Variants in GSE1 observed in about 807,000 individuals in gnomAD.
The protein encoded by GSE1 is genetic suppressor element 1.
Under a neutral mutation model 112.6 loss-of-function variants are expected in GSE1, and 32 were observed. That is an observed-to-expected ratio of 0.28 (90% CI 0.21 to 0.38). The LOEUF (loss-of-function observed/expected upper bound fraction) is 0.38. Among genes scored for constraint, GSE1 ranks in the 10% least tolerant of loss-of-function variants. The pLI is 1.00. For synonymous variants in GSE1, 1,115 were observed against 735.6 expected (o/e 1.52, Z -8.35); for missense variants, 2,348 against 1,699.2 (o/e 1.38, Z -6.71).
At chr16:85,297,391 C>T (rs1477133362) in intron 1 of GSE1, among the ~76,000 whole-genome samples, 4 of 152,244 alleles carry the variant, frequency 2.6e-5, no homozygotes, top group Middle Eastern at 3.2e-3. Context: ...ATCTGTAAAT[C>T]CCTTAGACTT....
chr16:85,402,685 G>C (rs2048143920), intron 2 of GSE1, among the ~76,000 whole-genome samples: 1 of 152,200 alleles, frequency 6.6e-6, no homozygotes. Context: ...ATTTCAGGAG[G>C]CTGAGGCGGG....
chr16:85,492,836 C>G (rs114847572), intron 2 of GSE1, among the ~76,000 whole-genome samples: 2 of 152,146 alleles, frequency 1.3e-5, no homozygotes, highest in African/African-American at 4.8e-5. Flanking sequence ...ACATGTTCAT[C>G]CTAGGAGTAT....
chr16:85,635,135 G>T (rs373569570), intron 2 of GSE1, among the ~76,000 whole-genome samples: 1 of 152,200 alleles, frequency 6.6e-6, no homozygotes, highest in African/African-American at 2.4e-5. Context: ...TGACCAGGGC[G>T]GGCTGGGGGG....
chr16:85,551,402 G>A (rs766597318), upstream of GSE1, among the ~76,000 whole-genome samples: 1 of 152,176 alleles, frequency 6.6e-6, no homozygotes, highest in Non-Finnish European at 1.5e-5. Context: ...AGGCAGGGGT[G>A]CTGCAGCTCC....
At chr16:85,392,421 G>A (rs933191475) in intron 2 of GSE1, among the ~76,000 whole-genome samples, 5 of 152,196 alleles carry the variant, frequency 3.3e-5, no homozygotes, top group Admixed American at 6.5e-5. Context: ...GGGCTGGGGA[G>A]GGGATGGAGA....
intron 2 of GSE1, among the ~76,000 whole-genome samples, chr16:85,471,423 T>C (rs191164145): frequency 6.6e-6 from 1 of 152,350 alleles, no homozygotes; most frequent in East Asian, 1.9e-4. Flanking sequence ...TCTTTCTTTA[T>C]TACTTGTTGA....
chr16:85,481,067 G>A (rs9933354), intron 2 of GSE1, among the ~76,000 whole-genome samples: 90,460 of 152,072 alleles, frequency 0.59, 27,080 homozygotes, highest in Non-Finnish European at 0.6. Context: ...CCTCGGTTTC[G>A]GCGTTTTTCT....
chr16:85,525,280 C>T (rs1033780190), intron 2 of GSE1, among the ~76,000 whole-genome samples: 11 of 152,240 alleles, frequency 7.2e-5, no homozygotes, highest in African/African-American at 1.4e-4. Flanking sequence ...AGGTGACCGC[C>T]GGGGGCACAG....
chr16:85,623,246 G>A (rs1049918801), intron 1 of GSE1, among the ~76,000 whole-genome samples: 62 of 144,060 alleles, frequency 4.3e-4, no homozygotes, highest in African/African-American at 1.4e-3. Flanking sequence ...ACAGGGTCTC[G>A]CTCTGTCACC....
At chr16:85,546,694 G>A (rs1197596082) in intron 2 of GSE1, among the ~76,000 whole-genome samples, 5 of 152,246 alleles carry the variant, frequency 3.3e-5, no homozygotes, top group Non-Finnish European at 7.3e-5. Flanking sequence ...GACGCGGCCA[G>A]TGATTCCTTC....
At chr16:85,643,649 G>A (rs937594059) in intron 2 of GSE1, among the ~76,000 whole-genome samples, 5 of 152,210 alleles carry the variant, frequency 3.3e-5, no homozygotes, top group African/African-American at 1.2e-4. Context: ...GCAGCTCCAG[G>A]TCTCTGTGCA....
intron 1 of GSE1, among the ~76,000 whole-genome samples, chr16:85,239,699 C>G (rs1390010832): frequency 2.0e-5 from 3 of 152,230 alleles, no homozygotes; most frequent in African/African-American, 7.2e-5. Context: ...TAACTCCATA[C>G]CCGACCTTGG....
At chr16:85,339,771 G>A (rs1228783595) in intron 1 of GSE1, among the ~76,000 whole-genome samples, 3 of 152,044 alleles carry the variant, frequency 2.0e-5, no homozygotes, top group Non-Finnish European at 4.4e-5. Flanking sequence ...GCCAGGGGAC[G>A]GCGTCTGCAT....
intron 1 of GSE1, among the ~76,000 whole-genome samples, chr16:85,288,117 G>A (rs901314897): frequency 1.3e-5 from 2 of 152,136 alleles, no homozygotes; most frequent in South Asian, 2.1e-4. Flanking sequence ...GCGTGCACCT[G>A]TAATCCCAGC....
chr16:85,419,407 G>A lies in GSE1; in HGVS notation c.2464+61764G>A, dbSNP rs2048775404. 6.6e-6 allele frequency among the ~76,000 whole-genome samples: 1 copy of A among 151,984 alleles called. No homozygotes were observed. The highest frequency in any genetic ancestry group is 1.5e-5 in the Non-Finnish European group (1 of 67,986). Reference sequence around the variant, plus strand: ...ATGGGAGGACTGCTTGAGCCCAGGAGTTTGAGACCAGCCTGAGCAACATAG... The same window carrying A: ...ATGGGAGGACTGCTTGAGCCCAGGAATTTGAGACCAGCCTGAGCAACATAG... On this transcript the variant is annotated intron_variant, in intron 2 of 2. Coordinates refer to the GSE1 transcript ENST00000637419. The surrounding 1 kb of genome is among the most constrained non-coding windows in gnomAD (Gnocchi z 6.5).
At chr16:85,378,670 C>A (rs2047477135) in intron 2 of GSE1, among the ~76,000 whole-genome samples, 1 of 152,218 alleles carries the variant, frequency 6.6e-6, no homozygotes, top group Non-Finnish European at 1.5e-5. Flanking sequence ...TCTTAGAGAC[C>A]AGGAGACCGA....
intron 1 of GSE1, among the ~76,000 whole-genome samples, chr16:85,281,453 A>C (rs958855629): frequency 1.1e-4 from 16 of 152,136 alleles, no homozygotes; most frequent in Non-Finnish European, 2.1e-4. Flanking sequence ...TAGGTGGCTA[A>C]ACCGAGGCCC....
chr16:85,448,685 G>A (rs1240320295), intron 2 of GSE1, among the ~76,000 whole-genome samples: 2 of 152,216 alleles, frequency 1.3e-5, no homozygotes, highest in Admixed American at 6.5e-5. Context: ...TGGCAGGGGC[G>A]ATGGAGGGGG....
chr16:85,361,219 A>G (rs1286623168), intron 2 of GSE1, among the ~76,000 whole-genome samples: 3 of 130,830 alleles, frequency 2.3e-5, no homozygotes, highest in African/African-American at 8.9e-5. Context: ...ACACAGACGC[A>G]CACGGGGCAG....
Sources: allele counts gnomAD v4.1 joint callset (sites outside exome capture counted in the v4.1 genomes callset), GRCh38; gene constraint gnomAD v4.1.1; non-coding constraint Gnocchi (gnomAD v3.1); transcripts MANE v1.5; gene names NCBI Gene and HGNC (gene_info 2026-07-23, HGNC 2026-07-21).